The following CRACDL variants were observed in gnomAD, a reference collection of about 807,000 sequenced individuals.
The protein encoded by CRACDL is CRACD like, also known as CRACD-like protein.
A neutral mutation model predicts 70.6 loss-of-function variants in CRACDL; 26 were observed. The observed-to-expected ratio is 0.37, with a 90% CI of 0.27 to 0.51. CRACDL has a LOEUF of 0.51. CRACDL is among the 20% of genes least tolerant of loss of function. The pLI, the probability that CRACDL is intolerant of heterozygous loss-of-function variation, is 0.94. For synonymous variants in CRACDL, 618 were observed against 615.2 expected, an observed-to-expected ratio of 1.00 and a Z score of -0.07; for missense variants, 1,283 against 1,376.9, an observed-to-expected ratio of 0.93 and a Z score of 1.08.
intron 5 of CRACDL, among the ~76,000 whole-genome samples, chr2:98,828,082 C>T (rs1052178247): frequency 6.6e-6 from 1 of 152,194 alleles, no homozygotes; most frequent in Non-Finnish European, 1.5e-5. Flanking sequence ...AAACATGTCA[C>T]CTGGGACAAA....
intron 5 of CRACDL, 74 bp downstream of exon 5, chr2:98,832,274 A>T: frequency 6.6e-7 from 1 of 1,522,480 alleles, no homozygotes; most frequent in Non-Finnish European, 9.1e-7. Context: ...GGGCACACAC[A>T]GGGGATCTCA....
chr2:98,870,122 C>T (rs891565441), intron 1 of CRACDL, among the ~76,000 whole-genome samples: 1 of 152,228 alleles, frequency 6.6e-6, no homozygotes, highest in Non-Finnish European at 1.5e-5. Flanking sequence ...TGCCACCTGA[C>T]TCAAGTTCCT....
chr2:98,801,194 G>T (rs1704060844), intron 7 of CRACDL, among the ~76,000 whole-genome samples: 1 of 152,154 alleles, frequency 6.6e-6, no homozygotes, highest in Non-Finnish European at 1.5e-5. Flanking sequence ...ATGCAAGAGG[G>T]CCCTTGTAAT....
At chr2:98,882,606 G>T (rs1707682280) in intron 1 of CRACDL, among the ~76,000 whole-genome samples, 1 of 152,208 alleles carries the variant, frequency 6.6e-6, no homozygotes, top group Non-Finnish European at 1.5e-5. Context: ...AAGCTAGCTA[G>T]CTGTGATTTT....
chr2:98,933,433 A>G (rs975176973), intron 1 of CRACDL, among the ~76,000 whole-genome samples: 5 of 152,188 alleles, frequency 3.3e-5, no homozygotes, highest in African/African-American at 9.7e-5. Flanking sequence ...AAATAATACC[A>G]TTGAATTAGG....
chr2:98,872,637 G>A lies in CRACDL; in HGVS notation c.-10-25827C>T, dbSNP rs563023112. Among the ~76,000 whole-genome samples, 15 of 152,286 alleles carry A rather than the reference G, an allele frequency of 9.8e-5. No individual in the cohort carries two copies. In the East Asian group the frequency reaches 1.2e-3, roughly 12 times the overall value. On this transcript the variant is annotated intron_variant, in intron 1 of 9. Transcript: ENST00000397899. ...AAAATAAAAGTGAGAATGTATCCCCGTCATTTGAAGAGCTTGCTCATCAGG... is the reference window on the plus strand; with the variant it reads ...AAAATAAAAGTGAGAATGTATCCCCATCATTTGAAGAGCTTGCTCATCAGG...
chr2:98,845,573 A>C (rs376749460), intron 2 of CRACDL, among the ~76,000 whole-genome samples: 2 of 152,306 alleles, frequency 1.3e-5, no homozygotes. Flanking sequence ...AGAATTTTAA[A>C]TTTTAAGTGG....
rs1420996904 is a variant in CRACDL, at chr2:98,797,470, G to A, written c.2484C>T (p.Thr828=). ...ADGQPAPPWI[T]VTRQKRRGTL... ...TCCCCCTCCGCTTCTGCCGAGTGAC[G>A]GTGATCCAGGGTGGCGCAGGCTGCC... Residue 828 remains threonine (T), a synonymous_variant, in exon 8 of 10, where the codon ACC becomes ACT. Coordinates refer to ENST00000397899, the MANE Select transcript of CRACDL (RefSeq NM_207362.3). The A allele has an allele frequency of 9.3e-6, 15 of 1,614,190 alleles. No homozygotes were observed. The highest frequency in any genetic ancestry group is 4.4e-5 in the South Asian group (4 of 91,088).
At chr2:98,794,746 C>T (rs1703727856) in intron 9 of CRACDL, 75 bp from the exon 10 acceptor site, 1 of 1,310,948 alleles carries the variant, frequency 7.6e-7, no homozygotes. Flanking sequence ...TCTTGTGTTT[C>T]TCGAACTAGA....
intron 1 of CRACDL, among the ~76,000 whole-genome samples, chr2:98,923,650 T>C (rs1708853163): frequency 6.6e-6 from 1 of 152,246 alleles, no homozygotes; most frequent in Non-Finnish European, 1.5e-5. Context: ...ATACAGGCCA[T>C]TATTTCTCAA....
At chr2:98,853,008 GA>G (rs1237421005) in intron 1 of CRACDL, among the ~76,000 whole-genome samples, 1 of 124,528 alleles carries the variant, frequency 8.0e-6, no homozygotes, top group Non-Finnish European at 1.7e-5. Context: ...GAGGGGAGGG[GA>G]GGGGAGGGGA....
intron 2 of CRACDL, among the ~76,000 whole-genome samples, chr2:98,844,148 T>A (rs962537600): frequency 6.6e-6 from 1 of 152,200 alleles, no homozygotes; most frequent in Admixed American, 6.5e-5. Context: ...TGCACTGCAA[T>A]CTCGGTATAT....
chr2:98,923,256 G>C (rs2104696623), intron 1 of CRACDL, among the ~76,000 whole-genome samples: 1 of 148,600 alleles, frequency 6.7e-6, no homozygotes, highest in South Asian at 2.1e-4. Context: ...GGGTGACAGA[G>C]TGAGACACTG....
chr2:98,812,028 T>A (rs1451003381), intron 7 of CRACDL, among the ~76,000 whole-genome samples: 1 of 152,204 alleles, frequency 6.6e-6, no homozygotes, highest in East Asian at 1.9e-4. Context: ...AGGCTGGAGT[T>A]GCAGTGGCAC....
At chr2:98,930,106 G>C (rs1344298394) in intron 1 of CRACDL, among the ~76,000 whole-genome samples, 1 of 152,028 alleles carries the variant, frequency 6.6e-6, no homozygotes, top group Non-Finnish European at 1.5e-5. Flanking sequence ...GACGTGGCAG[G>C]GCAGAACCAT....
chr2:98,795,295 C>T (rs1703770395), intron 9 of CRACDL, among the ~76,000 whole-genome samples: 1 of 151,474 alleles, frequency 6.6e-6, no homozygotes, highest in Admixed American at 6.6e-5. Flanking sequence ...AGGCTGGTCT[C>T]GAACTCCTGA....
intron 5 of CRACDL, among the ~76,000 whole-genome samples, chr2:98,830,609 C>G (rs1239826133): frequency 6.6e-6 from 1 of 152,100 alleles, no homozygotes; most frequent in Non-Finnish European, 1.5e-5. Flanking sequence ...CTTAAAAGCC[C>G]AAATTTTGGT....
chr2:98,891,419 G>A (rs1053756218), intron 1 of CRACDL, among the ~76,000 whole-genome samples: 21 of 128,804 alleles, frequency 1.6e-4, no homozygotes, highest in South Asian at 6.8e-4. Flanking sequence ...AAACTTTGGA[G>A]CTTTTTGGGT....
intron 1 of CRACDL, chr2:98,912,875 A>G (rs888830392): frequency 1.3e-5 from 2 of 152,214 alleles, no homozygotes; most frequent in Admixed American, 6.5e-5. Context: ...TGAGACCTCT[A>G]TCCGCTTTCA....
Sources: allele counts gnomAD v4.1 joint callset (sites outside exome capture counted in the v4.1 genomes callset), GRCh38; gene constraint gnomAD v4.1.1; transcripts MANE v1.5; gene names NCBI Gene and HGNC (gene_info 2026-07-23, HGNC 2026-07-21).